Variants in EPHA4 observed in about 807,000 individuals in gnomAD.
The protein encoded by EPHA4 is EPH receptor A4.
A neutral mutation model predicts 108.3 loss-of-function variants in EPHA4; 19 were observed. That is an observed-to-expected ratio of 0.18 (90% CI 0.12 to 0.26). The LOEUF (loss-of-function observed/expected upper bound fraction) is 0.26. Among genes scored for constraint, EPHA4 ranks in the 10% least tolerant of loss-of-function variants. The probability of loss-of-function intolerance (pLI) is 1.00; values close to 1 mark genes in which losing one functional copy is unlikely to be tolerated. For synonymous variants in EPHA4, 449 were observed against 455.5 expected (o/e 0.99, Z 0.18); for missense variants, 917 against 1,254.0 (o/e 0.73, Z 4.06).
chr2:221,443,136 A>G, intron 10 of EPHA4, 122 bp from the exon 11 acceptor site: 1 of 1,003,894 alleles, frequency 1.0e-6, no homozygotes, highest in Non-Finnish European at 1.4e-6. Context: ...TGCATAGATT[A>G]TTTCACAAAA....
intron 3 of EPHA4, among the ~76,000 whole-genome samples, chr2:221,536,583 A>T (rs975553510): frequency 6.6e-6 from 1 of 152,240 alleles, no homozygotes; most frequent in Admixed American, 6.5e-5. Context: ...TCATCCATGA[A>T]GTCATTCTTC....
At chr2:221,549,604 T>A (rs1300443312) in intron 3 of EPHA4, among the ~76,000 whole-genome samples, 2 of 152,214 alleles carry the variant, frequency 1.3e-5, no homozygotes, top group African/African-American at 4.8e-5. Context: ...GGGCTCCTGA[T>A]TAAAGAGTAG....
At chr2:221,498,151 C>T (rs1020679454) in intron 4 of EPHA4, among the ~76,000 whole-genome samples, 2 of 152,128 alleles carry the variant, frequency 1.3e-5, no homozygotes, top group African/African-American at 4.8e-5. Context: ...GCACATGGTC[C>T]CCTTAAATGC....
intron 4 of EPHA4, among the ~76,000 whole-genome samples, chr2:221,498,427 T>C (rs1692367676): frequency 6.6e-6 from 1 of 152,124 alleles, no homozygotes; most frequent in African/African-American, 2.4e-5. Flanking sequence ...TGGATAAAGA[T>C]GGGGAGTTTA....
In EPHA4 at chr2:221,460,137, G is replaced by A. The variant is rs16862698; in HGVS notation, c.1319-2147C>T. On this transcript the variant is annotated intron_variant, in intron 5 of 17. Coordinates refer to ENST00000281821, the MANE Select transcript of EPHA4 (RefSeq NM_004438.5). ...AGCAGGGAGTTAGCAATATAATCAC[G>A]TTAACTCATAGAGTATTTCTAATGC... Among the ~76,000 whole-genome samples the A allele has an allele frequency of 6.1e-3, 929 of 152,270 alleles. 8 individuals are homozygous for A. The highest frequency in any genetic ancestry group is 0.021 in the African/African-American group (860 of 41,568).
At chr2:221,520,427 G>A (rs1445092983) in intron 3 of EPHA4, among the ~76,000 whole-genome samples, 1 of 151,926 alleles carries the variant, frequency 6.6e-6, no homozygotes, top group African/African-American at 2.4e-5. Context: ...ACATATATGT[G>A]TCTTTGAACA....
chr2:221,557,401 G>C (rs565974136), intron 3 of EPHA4, among the ~76,000 whole-genome samples: 1 of 145,498 alleles, frequency 6.9e-6, no homozygotes, highest in Non-Finnish European at 1.5e-5. Flanking sequence ...ATAAAAATAA[G>C]AGTAACAATT....
At chr2:221,508,139 C>G (rs557208553) in intron 3 of EPHA4, among the ~76,000 whole-genome samples, 1 of 152,330 alleles carries the variant, frequency 6.6e-6, no homozygotes, top group African/African-American at 2.4e-5. Context: ...TAAGTAAACT[C>G]TTAACAATGC....
chr2:221,446,562 T>G (rs762897660), intron 8 of EPHA4, among the ~76,000 whole-genome samples: 2 of 152,194 alleles, frequency 1.3e-5, no homozygotes, highest in African/African-American at 2.4e-5. Context: ...TGTGTGTATA[T>G]GTATATATAC....
chr2:221,559,392 T>C (rs1367189272), intron 3 of EPHA4, among the ~76,000 whole-genome samples: 1 of 152,180 alleles, frequency 6.6e-6, no homozygotes, highest in Non-Finnish European at 1.5e-5. Flanking sequence ...TTCAGCTTTT[T>C]AATTAAGCAA....
At chr2:221,423,323 G>T (rs756279446) in intron 17 of EPHA4, among the ~76,000 whole-genome samples, 2 of 152,192 alleles carry the variant, frequency 1.3e-5, no homozygotes, top group Non-Finnish European at 2.9e-5. Flanking sequence ...ATCCATAGCT[G>T]TCCGGATGCC....
chr2:221,486,191 C>G (rs1040130087), intron 4 of EPHA4, among the ~76,000 whole-genome samples: 7 of 152,062 alleles, frequency 4.6e-5, no homozygotes, highest in African/African-American at 1.4e-4. Flanking sequence ...CTGAATCGAC[C>G]TACTGAGTAC....
At chr2:221,466,249 A>G (rs1206272095) in intron 5 of EPHA4, among the ~76,000 whole-genome samples, 1 of 152,244 alleles carries the variant, frequency 6.6e-6, no homozygotes, top group East Asian at 1.9e-4. Context: ...GGTTCTCAAA[A>G]TGGTTTGGTT....
At chr2:221,526,431 C>T (rs575069390) in intron 3 of EPHA4, among the ~76,000 whole-genome samples, 1 of 151,926 alleles carries the variant, frequency 6.6e-6, no homozygotes, top group African/African-American at 2.4e-5. Context: ...ACGTGTGCCT[C>T]GAAGGTTGCA....
intron 5 of EPHA4, among the ~76,000 whole-genome samples, chr2:221,460,892 A>T (rs558343488): frequency 3.3e-5 from 5 of 152,190 alleles, no homozygotes; most frequent in Non-Finnish European, 7.3e-5. Context: ...AGCTTGTAAG[A>T]TGATTTAAGT....
intron 3 of EPHA4, among the ~76,000 whole-genome samples, chr2:221,550,418 GGAGAGA>G (rs71406572): frequency 0.3 from 40,917 of 135,586 alleles, 6,088 homozygotes; most frequent in African/African-American, 0.38. Flanking sequence ...TGAGGAAAGG[GGAGAGA>G]GAGAGAGAGA....
chr2:221,466,864 A>G (rs1011901227), intron 5 of EPHA4, among the ~76,000 whole-genome samples: 2 of 151,878 alleles, frequency 1.3e-5, no homozygotes, highest in African/African-American at 4.9e-5. Context: ...GATCTACAGA[A>G]AGCGGCTGAT....
At chr2:221,483,531 T>TGG (rs1691893208) in intron 4 of EPHA4, among the ~76,000 whole-genome samples, 2 of 151,874 alleles carry the variant, frequency 1.3e-5, no homozygotes, top group East Asian at 3.9e-4. Context: ...TGTGTGTGTG[T>TGG]GTGTGATGGA....
chr2:221,460,286 G>C (rs1574581678), intron 5 of EPHA4, among the ~76,000 whole-genome samples: 1 of 152,230 alleles, frequency 6.6e-6, no homozygotes, highest in East Asian at 1.9e-4. Flanking sequence ...CAAGAACGAA[G>C]GATTAAATGA....
Sources: gnomAD v4.1 joint callset for allele counts (sites outside exome capture counted in the v4.1 genomes callset) on GRCh38, gnomAD v4.1.1 for gene constraint, MANE v1.5 for transcripts, NCBI Gene and HGNC (gene_info 2026-07-23, HGNC 2026-07-21) for gene names.